IP6K1: variants seen among roughly 807,000 people sequenced by gnomAD.
IP6K1 encodes the protein inositol hexakisphosphate kinase 1.
Under a neutral mutation model 38.3 loss-of-function variants are expected in IP6K1, and 13 were observed. The observed-to-expected ratio is 0.34, with a 90% CI of 0.22 to 0.54. The LOEUF (loss-of-function observed/expected upper bound fraction) is 0.54. IP6K1 is among the 20% of genes least tolerant of loss of function. The probability of loss-of-function intolerance (pLI) is 0.92; values close to 1 mark genes in which losing one functional copy is unlikely to be tolerated. For missense variants in IP6K1, 397 were observed against 599.8 expected (o/e 0.66, Z 3.53); for synonymous variants, 212 against 229.9 (o/e 0.92, Z 0.70).
rs527636452 is a variant in IP6K1 at position 49,724,831 on chromosome 3, C to G, written c.*2291G>C. ...TCCCCTTCCTCTTTTAAGCACCACC[C>G]GTCCCACCCCACCCTCAGGGGCTGG... On this transcript the variant is annotated 3_prime_UTR_variant, in exon 6 of 6. Transcript: ENST00000321599. 3 of 152,680 alleles carry G rather than the reference C, an allele frequency of 2.0e-5. No homozygotes were observed. The highest frequency in any genetic ancestry group is 1.5e-5 in the Non-Finnish European group (1 of 68,146). 9.5% of individuals were successfully genotyped at this position (152,680 alleles called of 1,614,324 possible). A position where few individuals can be genotyped will look rare whatever the true frequency, so the allele number is the denominator to read the frequency against.
chr3:49,781,336 T>C (rs139954398), intron 1 of IP6K1, among the ~76,000 whole-genome samples: 1 of 152,354 alleles, frequency 6.6e-6, no homozygotes, highest in East Asian at 1.9e-4. Flanking sequence ...GTGCTGGGAT[T>C]ACAGGCGTGA....
At chr3:49,732,063 A>T (rs2080567479) in intron 4 of IP6K1, among the ~76,000 whole-genome samples, 1 of 151,780 alleles carries the variant, frequency 6.6e-6, no homozygotes, top group African/African-American at 2.4e-5. Flanking sequence ...CAGAGCTGGG[A>T]CTACTACAAG....
chr3:49,746,152 C>T (rs1466630458), intron 2 of IP6K1, among the ~76,000 whole-genome samples: 3 of 151,980 alleles, frequency 2.0e-5, no homozygotes, highest in African/African-American at 7.2e-5. Context: ...GGCAGTTCCT[C>T]CGAAAGGTAA....
intron 1 of IP6K1, among the ~76,000 whole-genome samples, chr3:49,752,331 C>CA: frequency 6.6e-6 from 1 of 151,774 alleles, no homozygotes; most frequent in South Asian, 2.1e-4. Context: ...ACTAAAAATA[C>CA]AAAAAAATTA....
At position 49,727,385 on chromosome 3, in the gene IP6K1, C is replaced by G. The variant is rs1440606377; in HGVS notation, c.1063G>C (p.Glu355Gln). ...RAESCLDRRS[E>Q]MRLKHLDMVL... ...ATGTCCAGGTGCTTGAGACGCATCT[C>G]AGACCGGCGGTCCAGGCAGGACTCA... The change falls in exon 6 of 6, where the codon GAG becomes CAG. Residue 355 changes from glutamate to glutamine, a missense_variant. Transcript: ENST00000321599. The surrounding 1 kb of genome is among the most constrained non-coding windows in gnomAD (Gnocchi z 5.9). 10 of 1,613,992 alleles carry G rather than the reference C, an allele frequency of 6.2e-6. No homozygotes were observed. The Admixed American group carries it at 1.5e-4, about 24-fold the overall frequency.
intron 1 of IP6K1, among the ~76,000 whole-genome samples, chr3:49,764,559 A>G (rs2080893362): frequency 6.6e-6 from 1 of 152,090 alleles, no homozygotes; most frequent in South Asian, 2.1e-4. Context: ...CCCACACTGT[A>G]CAAGAGTCAA....
At chr3:49,760,190 C>G (rs544937341) in intron 1 of IP6K1, among the ~76,000 whole-genome samples, 1 of 152,272 alleles carries the variant, frequency 6.6e-6, no homozygotes, top group East Asian at 1.9e-4. Flanking sequence ...ACCACCATGC[C>G]CAGCCTAATT....
At chr3:49,758,933 C>T (rs910010128) in intron 1 of IP6K1, among the ~76,000 whole-genome samples, 1 of 145,496 alleles carries the variant, frequency 6.9e-6, no homozygotes. Flanking sequence ...GATGACAGAG[C>T]GAGACTCTGT....
At chr3:49,748,194 G>GA (rs1484689731) in intron 1 of IP6K1, 26 bp from the exon 2 acceptor site, 3 of 756,776 alleles carry the variant, frequency 4.0e-6, no homozygotes, top group Non-Finnish European at 6.4e-6. Flanking sequence ...GAGGAAGAAG[G>GA]AATCAAAACA....
At chr3:49,757,038 G>A (rs1371759260) in intron 1 of IP6K1, among the ~76,000 whole-genome samples, 3 of 152,116 alleles carry the variant, frequency 2.0e-5, no homozygotes, top group African/African-American at 7.2e-5. Flanking sequence ...CATGTAGAAG[G>A]ATGGGAGAAA....
chr3:49,726,975 G>A lies in IP6K1; in HGVS notation c.*147C>T. 2.4e-6 allele frequency: 2 copies of A among 826,224 alleles called. No homozygotes were observed. Among genetic ancestry groups the A allele is most frequent in the Non-Finnish European group, 1.9e-6 (1 of 533,066 alleles). 51.2% of individuals were successfully genotyped at this position (826,224 alleles called of 1,614,324 possible). A position where few individuals can be genotyped will look rare whatever the true frequency, so the allele number is the denominator to read the frequency against. On this transcript the variant is annotated 3_prime_UTR_variant, in exon 6 of 6. Coordinates refer to ENST00000321599, the MANE Select transcript of IP6K1 (RefSeq NM_153273.4). ...CTTCACTTTATATATATGGATTCCA[G>A]GCTACAGCTAAAAACATTTCTTTTA...
chr3:49,750,524 G>A (rs1027021874), intron 1 of IP6K1, among the ~76,000 whole-genome samples: 6 of 151,886 alleles, frequency 4.0e-5, no homozygotes, highest in Admixed American at 2.6e-4. Flanking sequence ...GCGAAACCCC[G>A]TCTCTTCTAA....
rs566877246 is a variant in IP6K1 at position 49,775,739 on chromosome 3, G to A, written c.-129+10615C>T. 100 of 340,802 alleles carry A rather than the reference G, an allele frequency of 2.9e-4. 1 individual carries two copies. The highest frequency in any genetic ancestry group is 2.5e-3 in the Admixed American group (61 of 24,696). The allele number at this position is 340,802 out of a possible 1,614,324, so 21.1% of individuals were successfully genotyped here. ...CACCAGGAGTGCCTGCTAGTGTCCT[G>A]GCAGCTTACCAACCCTCCCCTCCCT... is the stretch of plus-strand genomic sequence containing the variant. On this transcript the variant is annotated intron_variant, in intron 1 of 5. Coordinates refer to ENST00000321599, the MANE Select transcript of IP6K1 (RefSeq NM_153273.4).
intron 1 of IP6K1, among the ~76,000 whole-genome samples, chr3:49,755,428 T>A (rs1217017653): frequency 6.6e-6 from 1 of 152,202 alleles, no homozygotes; most frequent in Non-Finnish European, 1.5e-5. Context: ...ATACCCTTTT[T>A]AAAATTCATA....
chr3:49,746,400 G>A (rs1195344989), intron 2 of IP6K1, among the ~76,000 whole-genome samples: 1 of 148,208 alleles, frequency 6.7e-6, no homozygotes, highest in Admixed American at 6.9e-5. Context: ...GGCCAGGCAC[G>A]GTGGCTCACG....
At chr3:49,773,512 G>A (rs574870056) in intron 1 of IP6K1, among the ~76,000 whole-genome samples, 3 of 152,314 alleles carry the variant, frequency 2.0e-5, no homozygotes, top group South Asian at 4.1e-4. Flanking sequence ...TTAGGAGGCT[G>A]AGGCAGGAGA....
rs1278193517 is a variant in IP6K1 at position 49,756,777 on chromosome 3, T to C, written c.-128-8609A>G. The stretch of plus-strand genomic sequence containing the variant: ...TTTAGGTGAGCCGAGATCACGCCAT[T>C]GCACTCCAGCGCCTGGGCAACAAGG... On this transcript the variant is annotated intron_variant, in intron 1 of 5. Coordinates refer to ENST00000321599, the MANE Select transcript of IP6K1 (RefSeq NM_153273.4). Among the ~76,000 whole-genome samples, 4 of 139,028 alleles carry C rather than the reference T, an allele frequency of 2.9e-5. 1 individual carries two copies. Among genetic ancestry groups the C allele is most frequent in the African/African-American group, 1.1e-4 (4 of 35,238 alleles). 91.2% of individuals were successfully genotyped at this position (139,028 alleles called of 152,430 possible). A position where few individuals can be genotyped will look rare whatever the true frequency, so the allele number is the denominator to read the frequency against.
At chr3:49,767,663 T>G (rs1191761786) in intron 1 of IP6K1, among the ~76,000 whole-genome samples, 1 of 152,086 alleles carries the variant, frequency 6.6e-6, no homozygotes, top group African/African-American at 2.4e-5. Flanking sequence ...CTCAACACTT[T>G]GGGAGGCTGA....
rs536627667 is a variant in IP6K1 at position 49,778,646 on chromosome 3, GA to G, written c.-129+7707del. On this transcript the variant is annotated intron_variant, in intron 1 of 5. Transcript: ENST00000321599. The stretch of plus-strand genomic sequence containing the variant: ...AGACTTCATCTCAAGAAAAAAAAAA[GA>G]TAGGGTCCCACTCTGTCACCCAGGC... Among the ~76,000 whole-genome samples the G allele has an allele frequency of 2.3e-4, 35 of 151,918 alleles. No individual in the cohort carries two copies. The East Asian group carries it at 6.2e-3, about 27-fold the overall frequency.
Sources: gnomAD v4.1 joint callset for allele counts (sites outside exome capture counted in the v4.1 genomes callset) on GRCh38, gnomAD v4.1.1 for gene constraint, Gnocchi (gnomAD v3.1) non-coding constraint, MANE v1.5 for transcripts, NCBI Gene and HGNC (gene_info 2026-07-23, HGNC 2026-07-21) for gene names.